The following C10orf120 variants were observed in gnomAD, a reference collection of about 807,000 sequenced individuals.
C10orf120 encodes uncharacterized protein C10orf120.
Under a neutral mutation model 10.8 loss-of-function variants are expected in C10orf120, and 15 were observed. The ratio of observed to expected loss-of-function variants is 1.39; its 90% CI spans 0.93 to 2.14. C10orf120 has a LOEUF of 2.14. Ranked by LOEUF, C10orf120 falls within the 30% of genes most tolerant of loss-of-function variation. C10orf120 has a pLI of 0.00. For synonymous variants in C10orf120, 141 were observed against 138.9 expected (o/e 1.02, Z -0.11); for missense variants, 447 against 411.3 (o/e 1.09, Z -0.75).
Position 122,699,356 on chromosome 10 carries a change from G to A in C10orf120, c.233C>T (p.Pro78Leu), listed in dbSNP as rs776437508. ...DPRIALGKYS[P>L]LEKEILRLGG... is the part of the protein sequence containing the mutation. ...ACTTACTAGGATCTCTTTTTCCAAG[G>A]GGGAGTATTTCCCAAGGGCAATCCG... The change falls in exon 2 of 3, where the codon CCC becomes CTC. Residue 78 changes from proline (P) to leucine (L), a missense_variant. Physicochemically the swap from Pro to Leu is moderately conservative, Grantham distance 98. Coordinates refer to ENST00000329446, the MANE Select transcript of C10orf120 (RefSeq NM_001010912.4). 6.2e-7 allele frequency: 1 copy of A among 1,612,534 alleles called. No homozygotes were observed. The highest frequency in any genetic ancestry group is 8.5e-7 in the Non-Finnish European group (1 of 1,178,930).
At chr10:122,698,636 T>A in intron 2 of C10orf120, 148 bp from the exon 3 acceptor site, 1 of 726,254 alleles carries the variant, frequency 1.4e-6, no homozygotes, top group East Asian at 2.5e-5. Context: ...TGGCGTCAGA[T>A]AACCTTGGGT....
rs143165922 is a variant in C10orf120, at chr10:122,698,446, C to T, written c.295G>A (p.Ala99Thr). The T allele has an allele frequency of 6.4e-5, 103 of 1,614,076 alleles. No homozygotes were observed. Among genetic ancestry groups the T allele is most frequent in the Middle Eastern group, 1.6e-4 (1 of 6,084 alleles). Reference sequence around the variant, plus strand: ...CTGCATTCTTCCTCTTGCTTGTAAGCCAAAAGCCTTCTTGCTGCTATGGTG... The same window carrying T: ...CTGCATTCTTCCTCTTGCTTGTAAGTCAAAAGCCTTCTTGCTGCTATGGTG... ...IHTIAARRLLAYKQEEECRML... is the reference protein window; with the variant it reads ...IHTIAARRLLTYKQEEECRML... Residue 99 changes from alanine to threonine, a missense_variant, in exon 3 of 3, where the codon GCT becomes ACT. Physicochemically the swap from Ala to Thr is moderately conservative, Grantham distance 58. Coordinates refer to ENST00000329446, the MANE Select transcript of C10orf120 (RefSeq NM_001010912.4).
Position 122,699,385 on chromosome 10 carries a change from G to A in C10orf120, c.204C>T (p.Asp68=). The A allele has an allele frequency of 6.2e-7, 1 of 1,613,178 alleles. No individual in the cohort carries two copies. Among genetic ancestry groups the A allele is most frequent in the Non-Finnish European group, 8.5e-7 (1 of 1,179,208 alleles). The change falls in exon 2 of 3, where the codon GAC becomes GAT. Residue 68 remains aspartate (D), a synonymous_variant. Transcript: ENST00000329446. ...AGTATTTCCCAAGGGCAATCCGTGG[G>A]TCTGATCTGTAGAATTTGCTCCATA... ...LRIWSKFYRS[D]PRIALGKYSP... is the part of the protein sequence containing the mutation.
chr10:122,698,823 T>G (rs1463836777), intron 2 of C10orf120, among the ~76,000 whole-genome samples: 1 of 152,112 alleles, frequency 6.6e-6, no homozygotes, highest in African/African-American at 2.4e-5. Context: ...GTGGGACGTG[T>G]CAATAAGAGT....
At chr10:122,699,140 CAAAA>C (rs67633673) in intron 2 of C10orf120, among the ~76,000 whole-genome samples, 193 bp downstream of exon 2, 12 of 21,824 alleles carry the variant, frequency 5.5e-4, no homozygotes, top group Middle Eastern at 0.083. Flanking sequence ...GACTCCGTCT[CAAAA>C]AAAAAAAAAA....
chr10:122,698,009 A>C lies in C10orf120; in HGVS notation c.732T>G (p.Asn244Lys). The change falls in exon 3 of 3, where the codon AAT (asparagine) becomes AAG (lysine). Residue 244 changes from asparagine (N) to lysine (K), a missense_variant. By Grantham distance (94) the Asn-to-Lys change is moderately conservative (BLOSUM62 0). Transcript: ENST00000329446. Reference sequence around the variant, plus strand: ...TTGGTTCTTTTGACTTGAAAACTACATTCATTTTTATTTCTCGTCTTTTTG... The same window carrying C: ...TTGGTTCTTTTGACTTGAAAACTACCTTCATTTTTATTTCTCGTCTTTTTG... ...KNTKRREIKM[N>K]VVFKSKEPKK... 1.9e-6 allele frequency: 3 copies of C among 1,607,964 alleles called. No individual in the cohort carries two copies. In the South Asian group the frequency reaches 3.4e-5, roughly 18 times the overall value.
intron 1 of C10orf120, 47 bp downstream of exon 1, chr10:122,699,568 T>C (rs763651503): frequency 6.5e-7 from 1 of 1,549,742 alleles, no homozygotes; most frequent in South Asian, 1.2e-5. Flanking sequence ...GCTTCTCCAC[T>C]TGGCCTCTTT....
Position 122,698,289 on chromosome 10 carries a change from AG to A in C10orf120, c.451del (p.Leu151TrpfsTer12). On this transcript the variant is annotated frameshift_variant, in exon 3 of 3. Coordinates refer to ENST00000329446, the MANE Select transcript of C10orf120 (RefSeq NM_001010912.4). LOFTEE classifies it low-confidence loss of function (END_TRUNC). The stretch of plus-strand genomic sequence containing the variant: ...TCGTTGTGGCATTTTAAATGCCTCC[AG>A]GGGCGCAATCACCTTTGCTGTCCAT... ...KIWTAKVIAP[L>X]EAFKMPQREQ... 6.2e-7 allele frequency: 1 copy of A among 1,614,212 alleles called. No homozygotes were observed. Among genetic ancestry groups the A allele is most frequent in the African/African-American group, 1.3e-5 (1 of 75,056 alleles).
intron 1 of C10orf120, 92 bp from the exon 2 acceptor site, chr10:122,699,504 A>C: frequency 6.9e-7 from 1 of 1,447,534 alleles, no homozygotes; most frequent in Non-Finnish European, 9.6e-7. Context: ...GGGTTATTCT[A>C]CACTAGCCAG....
At position 122,697,808 on chromosome 10, in the gene C10orf120, C is replaced by CAGAT. The variant is rs745844531; in HGVS notation, c.929_932dup (p.Val312SerfsTer19). The CAGAT allele has an allele frequency of 1.2e-6, 2 of 1,613,692 alleles. No individual in the cohort carries two copies. The highest frequency in any genetic ancestry group is 2.2e-5 in the East Asian group (1 of 44,892). On this transcript the variant is annotated frameshift_variant, in exon 3 of 3. Transcript: ENST00000329446. LOFTEE classifies it low-confidence loss of function (END_TRUNC). ...CTTCTTCCAGGCTGTAGGTCTTGAC[C>CAGAT]AGATCACTGAAGTGGTCTCTCCGTG...
intron 2 of C10orf120, among the ~76,000 whole-genome samples, 174 bp from the exon 3 acceptor site, chr10:122,698,662 C>T (rs1845822313): frequency 6.6e-6 from 1 of 152,138 alleles, no homozygotes; most frequent in Non-Finnish European, 1.5e-5. Flanking sequence ...TCCTGACTCT[C>T]CTCTGACCTA....
Position 122,697,724 on chromosome 10 carries a change from A to T in C10orf120, c.*9T>A. ...GTACACCTGGTTACCCTGGGCAACA[A>T]ATAAAACTTTAATAATGATAAGGAG... On this transcript the variant is annotated 3_prime_UTR_variant, in exon 3 of 3. Coordinates refer to ENST00000329446, the MANE Select transcript of C10orf120 (RefSeq NM_001010912.4). 6.2e-7 allele frequency: 1 copy of T among 1,613,020 alleles called. No homozygotes were observed. The highest frequency in any genetic ancestry group is 8.5e-7 in the Non-Finnish European group (1 of 1,179,578).
At chr10:122,698,996 C>T (rs1447740157) in intron 2 of C10orf120, among the ~76,000 whole-genome samples, 12 of 149,778 alleles carry the variant, frequency 8.0e-5, no homozygotes, top group South Asian at 2.1e-4. Flanking sequence ...TAGCCGGGCG[C>T]GGTGGCGGGC....
chr10:122,699,587 G>C (rs1243054518), intron 1 of C10orf120, 28 bp downstream of exon 1: 14 of 1,582,764 alleles, frequency 8.8e-6, no homozygotes, highest in Non-Finnish European at 9.5e-6. Context: ...TTCTGACATG[G>C]ACAGACTAAA....
At position 122,698,020 on chromosome 10, in the gene C10orf120, T is replaced by C; in HGVS notation, c.721A>G (p.Ile241Val). The C allele has an allele frequency of 1.2e-6, 2 of 1,608,594 alleles. No homozygotes were observed. The highest frequency in any genetic ancestry group is 8.5e-7 in the Non-Finnish European group (1 of 1,178,672). ...GACTTGAAAACTACATTCATTTTTA[T>C]TTCTCGTCTTTTTGTGTTTTTTCCC... ...AEGKNTKRREIKMNVVFKSKE... is the reference protein window; with the variant it reads ...AEGKNTKRREVKMNVVFKSKE... The change falls in exon 3 of 3, where the codon ATA becomes GTA. Residue 241 changes from isoleucine (I) to valine (V), a missense_variant. Transcript: ENST00000329446.
At position 122,698,405 on chromosome 10, in the gene C10orf120, T is replaced by C. The variant is rs1383133764; in HGVS notation, c.336A>G (p.Leu112=). The change falls in exon 3 of 3, where the codon CTA becomes CTG. Residue 112 remains leucine, a synonymous_variant. Coordinates refer to ENST00000329446, the MANE Select transcript of C10orf120 (RefSeq NM_001010912.4). ...QEEECRMLKE[L]QLLSPDYKQA... ...GTTTGTAGTCCGGAGACAGCAACTG[T>C]AGTTCCTTGAGCATTCTGCATTCTT... is the stretch of plus-strand genomic sequence containing the variant. 1 of 1,614,114 alleles carries C rather than the reference T, an allele frequency of 6.2e-7. No homozygotes were observed. Among genetic ancestry groups the C allele is most frequent in the Non-Finnish European group, 8.5e-7 (1 of 1,179,956 alleles).
rs1195920437 is a variant in C10orf120, at chr10:122,698,080, C to T, written c.661G>A (p.Asp221Asn). 1 of 1,613,472 alleles carries T rather than the reference C, an allele frequency of 6.2e-7. No individual in the cohort carries two copies. The highest frequency in any genetic ancestry group is 1.1e-5 in the South Asian group (1 of 90,780). Residue 221 changes from aspartate (D) to asparagine (N), a missense_variant, in exon 3 of 3, where the codon GAT (aspartate) becomes AAT (asparagine). Coordinates refer to ENST00000329446, the MANE Select transcript of C10orf120 (RefSeq NM_001010912.4). The part of the protein sequence containing the change: ...KEDNYDTHNC[D>N]DANQDKKEEA... The stretch of plus-strand genomic sequence containing the variant: ...TCTTTCTTATCTTGGTTGGCATCAT[C>T]ACAATTATGGGTGTCATAGTTGTCT...
At chr10:122,699,207 A>G (rs1845828153) in intron 2 of C10orf120, 130 bp downstream of exon 2, 1 of 524,400 alleles carries the variant, frequency 1.9e-6, no homozygotes, top group Non-Finnish European at 3.4e-6. Context: ...CCACTAGCAG[A>G]TTCAGCCAAT....
rs757802296 is a variant in C10orf120 at position 122,697,871 on chromosome 10, G to A, written c.870C>T (p.Phe290=). Residue 290 remains phenylalanine (F), a synonymous_variant, in exon 3 of 3, where the codon TTC becomes TTT. Transcript: ENST00000329446. ...GATTCATTAGCATTAAGTCACCAGG[G>A]AATTCTGATATGCAGAAAAGATTTC... The part of the protein sequence containing the change: ...TNRNLFCISE[F]PGDLMLMNQD... 1 of 1,614,202 alleles carries A rather than the reference G, an allele frequency of 6.2e-7. No homozygotes were observed. Among genetic ancestry groups the A allele is most frequent in the South Asian group, 1.1e-5 (1 of 91,068 alleles).
Sources: gnomAD v4.1 joint callset for allele counts (sites outside exome capture counted in the v4.1 genomes callset) on GRCh38, gnomAD v4.1.1 for gene constraint, MANE v1.5 for transcripts, NCBI Gene and HGNC (gene_info 2026-07-23, HGNC 2026-07-21) for gene names.